PATE4: variants seen among roughly 807,000 people sequenced by gnomAD.
PATE4 encodes prostate and testis expressed protein 4.
Under a neutral mutation model 8.5 loss-of-function variants are expected in PATE4, and 13 were observed. The ratio of observed to expected loss-of-function variants is 1.53; its 90% CI spans 1.00 to 2.43. PATE4 has a LOEUF of 2.43. Among genes scored for constraint, PATE4 ranks in the 30% most tolerant of loss-of-function variants. The pLI, the probability that PATE4 is intolerant of heterozygous loss-of-function variation, is 0.00. For synonymous variants in PATE4, 47 were observed against 39.3 expected (o/e 1.20, Z -0.73); for missense variants, 127 against 115.5 (o/e 1.10, Z -0.46).
chr11:125,837,328 C>A (rs1943927747), intron 1 of PATE4, among the ~76,000 whole-genome samples: 1 of 152,282 alleles, frequency 6.6e-6, no homozygotes, highest in African/African-American at 2.4e-5. Flanking sequence ...CCAGACCAAG[C>A]CAGATGGAGC....
In PATE4 at chr11:125,838,326, A is replaced by G; in HGVS notation, c.196A>G (p.Thr66Ala). 6.5e-7 allele frequency: 1 copy of G among 1,550,052 alleles called. No homozygotes were observed. Among genetic ancestry groups the G allele is most frequent in the East Asian group, 2.4e-5 (1 of 40,918 alleles). Residue 66 changes from threonine to alanine, a missense_variant, in exon 3 of 3, where the codon ACA becomes GCA. Coordinates refer to ENST00000457514, the MANE Select transcript of PATE4 (RefSeq NM_001144874.1). ...YFRGDKHMYS[T>A]HMCKYKCREE... ...TTCAGGAGACAAACATATGTACTCA[A>G]CACATATGTGTAAGTATAAGTGCCG...
At chr11:125,838,131 C>T (rs1011345909) in intron 2 of PATE4, 147 bp downstream of exon 2, 105 of 1,016,898 alleles carry the variant, frequency 1.0e-4, no homozygotes, top group Non-Finnish European at 1.4e-4. Flanking sequence ...TAATTTCCAA[C>T]TTCACACTGT....
At chr11:125,834,006 A>G (rs140670870) in intron 1 of PATE4, among the ~76,000 whole-genome samples, 219 of 152,332 alleles carry the variant, frequency 1.4e-3, no homozygotes, top group African/African-American at 5.2e-3. Flanking sequence ...ACTAAAAATT[A>G]GTGAATGATT....
chr11:125,834,226 A>C (rs1323723056), intron 1 of PATE4, among the ~76,000 whole-genome samples: 1 of 152,200 alleles, frequency 6.6e-6, no homozygotes, highest in Non-Finnish European at 1.5e-5. Context: ...AAAAACTGAC[A>C]AATTTGACAC....
rs995762326 is a variant in PATE4 at position 125,839,994 on chromosome 11, T to C, written c.*1567T>C. 9.2e-5 allele frequency: 14 copies of C among 152,248 alleles called. No individual in the cohort carries two copies. The highest frequency in any genetic ancestry group is 3.4e-4 in the African/African-American group (14 of 41,454). The allele number at this position is 152,248 out of a possible 1,614,324, so 9.4% of individuals were successfully genotyped here. A position where few individuals can be genotyped will look rare whatever the true frequency, so the allele number is the denominator to read the frequency against. On this transcript the variant is annotated 3_prime_UTR_variant, in exon 3 of 3. Coordinates refer to ENST00000457514, the MANE Select transcript of PATE4 (RefSeq NM_001144874.1). The stretch of plus-strand genomic sequence containing the variant: ...CTTTGTTTTGATTTGTTATTGTTTT[T>C]ATATTCAGTCTTTAACCTATGTGAA...
intron 1 of PATE4, among the ~76,000 whole-genome samples, chr11:125,836,744 TC>T (rs1252196461): frequency 6.6e-6 from 1 of 152,120 alleles, no homozygotes; most frequent in Non-Finnish European, 1.5e-5. Flanking sequence ...AATGCCTGTC[TC>T]CCCAGCATGT....
chr11:125,838,074 C>T (rs1290298457), intron 2 of PATE4, 90 bp downstream of exon 2: 2 of 1,118,186 alleles, frequency 1.8e-6, no homozygotes, highest in East Asian at 2.6e-5. Flanking sequence ...TATCATTTAG[C>T]TCTGCTAGGA....
Position 125,837,783 on chromosome 11 carries a change from T to C in PATE4, c.59-85T>C. On this transcript the variant is annotated intron_variant, in intron 1 of 2. Coordinates refer to ENST00000457514, the MANE Select transcript of PATE4 (RefSeq NM_001144874.1). ...TGGAGTGAGTGGACAGTATCGTCAA[T>C]ATGCAACCTCTTACTGATGCTGAAA... is the stretch of plus-strand genomic sequence containing the variant. The C allele has an allele frequency of 8.0e-6, 7 of 877,266 alleles. No individual in the cohort carries two copies. In the South Asian group the frequency reaches 8.2e-5, roughly 10 times the overall value. 54.3% of individuals were successfully genotyped at this position (877,266 alleles called of 1,614,324 possible).
At chr11:125,833,706 C>A (rs1249513859) in intron 1 of PATE4, among the ~76,000 whole-genome samples, 1 of 152,126 alleles carries the variant, frequency 6.6e-6, no homozygotes, top group Non-Finnish European at 1.5e-5. Flanking sequence ...TTTATTATCT[C>A]CTACACTCTC....
intron 1 of PATE4, among the ~76,000 whole-genome samples, chr11:125,836,961 TATC>T (rs1343754539): frequency 2.0e-5 from 3 of 152,200 alleles, no homozygotes; most frequent in African/African-American, 7.2e-5. Flanking sequence ...CAATTGGATT[TATC>T]ATTAAGAGGT....
At chr11:125,835,257 T>A (rs1168874161) in intron 1 of PATE4, 1 of 152,174 alleles carries the variant, frequency 6.6e-6, no homozygotes, top group Admixed American at 6.5e-5. Context: ...AGGGAGAAAT[T>A]GATAGTGTCC....
rs1483607734 is a variant in PATE4 at position 125,833,436 on chromosome 11, G to A, written c.58+19G>A. 6.5e-7 allele frequency: 1 copy of A among 1,547,014 alleles called. No homozygotes were observed. Among genetic ancestry groups the A allele is most frequent in the Non-Finnish European group, 8.8e-7 (1 of 1,142,852 alleles). On this transcript the variant is annotated intron_variant, in intron 1 of 2. Transcript: ENST00000457514. ...AAAGAGGGTAAGTTTGAACAATGGG[G>A]GTGGAGGGAGGCAACTTAGGGGTGC...
chr11:125,838,562 A>C lies in PATE4; in HGVS notation c.*135A>C. 1 of 1,101,044 alleles carries C rather than the reference A, an allele frequency of 9.1e-7. No individual in the cohort carries two copies. Among genetic ancestry groups the C allele is most frequent in the South Asian group, 2.2e-5 (1 of 46,318 alleles). 68.2% of individuals were successfully genotyped at this position (1,101,044 alleles called of 1,614,324 possible). A position where few individuals can be genotyped will look rare whatever the true frequency, so the allele number is the denominator to read the frequency against. ...AGAGAGAGCTGCAGGGGCTGTCCTCATTGCAATGAAGGGGCTCCCCACACC... is the reference window on the plus strand; with the variant it reads ...AGAGAGAGCTGCAGGGGCTGTCCTCCTTGCAATGAAGGGGCTCCCCACACC... On this transcript the variant is annotated 3_prime_UTR_variant, in exon 3 of 3. Transcript: ENST00000457514.
chr11:125,837,829 A>T, intron 1 of PATE4, 39 bp from the exon 2 acceptor site: 1 of 1,465,294 alleles, frequency 6.8e-7, no homozygotes, highest in Non-Finnish European at 9.3e-7. Flanking sequence ...CCATTGTCCC[A>T]CAATCCAGCC....
rs12224646 is a variant in PATE4, at chr11:125,838,398, T to G, written c.268T>G (p.Cys90Gly). The G allele has an allele frequency of 0.12, 193,437 of 1,550,124 alleles. 13,495 individuals are homozygous for G. Among genetic ancestry groups the G allele is most frequent in the Admixed American group, 0.27 (13,594 of 50,608 alleles). ...AGGCCTGTTGAGAGTGACACTGTGC[T>G]GTGACAGAAACTTCTGTAATGTCTT... ...KRGLLRVTLC[C>G]DRNFCNVF Residue 90 changes from cysteine (C) to glycine (G), a missense_variant, in exon 3 of 3, where the codon TGT becomes GGT. Transcript: ENST00000457514.
At chr11:125,836,014 T>G (rs1359060787) in intron 1 of PATE4, 1 of 152,110 alleles carries the variant, frequency 6.6e-6, no homozygotes, top group Non-Finnish European at 1.5e-5. Context: ...AGCGGGTTGT[T>G]GGTGAGAAAC....
At chr11:125,835,520 C>T (rs2140229) in intron 1 of PATE4, 79,592 of 151,890 alleles carry the variant, frequency 0.52, 21,210 homozygotes, top group Non-Finnish European at 0.58. Context: ...GGGCCACTAC[C>T]TTCTTACAGC....
chr11:125,838,634 T>C lies in PATE4; in HGVS notation c.*207T>C. 2.0e-6 allele frequency: 1 copy of C among 501,266 alleles called. No individual in the cohort carries two copies. Among genetic ancestry groups the C allele is most frequent in the Non-Finnish European group, 3.4e-6 (1 of 292,412 alleles). The allele number at this position is 501,266 out of a possible 1,614,324, so 31.1% of individuals were successfully genotyped here. A position where few individuals can be genotyped will look rare whatever the true frequency, so the allele number is the denominator to read the frequency against. The stretch of plus-strand genomic sequence containing the variant: ...TAAAATCATGAGCATTGAAACAAAA[T>C]CCTCCATGAGCTATGCTTATTCTTT... On this transcript the variant is annotated 3_prime_UTR_variant, in exon 3 of 3. Transcript: ENST00000457514.
In PATE4 at chr11:125,838,661, G is replaced by A; in HGVS notation, c.*234G>A. On this transcript the variant is annotated 3_prime_UTR_variant, in exon 3 of 3. Transcript: ENST00000457514. ...CTCCATGAGCTATGCTTATTCTTTT[G>A]TCTTCTACTCCTGATTTCTGATTTC... 4.8e-6 allele frequency: 2 copies of A among 419,934 alleles called. No homozygotes were observed. The allele number at this position is 419,934 out of a possible 1,614,324, so 26.0% of individuals were successfully genotyped here. A position where few individuals can be genotyped will look rare whatever the true frequency, so the allele number is the denominator to read the frequency against.
Sources: allele counts gnomAD v4.1 joint callset (sites outside exome capture counted in the v4.1 genomes callset), GRCh38; gene constraint gnomAD v4.1.1; transcripts MANE v1.5; gene names NCBI Gene and HGNC (gene_info 2026-07-23, HGNC 2026-07-21).